Variants in TTC7B observed in about 807,000 individuals in gnomAD.
The protein encoded by TTC7B is tetratricopeptide repeat protein 7B.
Under a neutral mutation model 106.8 loss-of-function variants are expected in TTC7B, and 28 were observed. The observed-to-expected ratio is 0.26, with a 90% confidence interval of 0.19 to 0.36. TTC7B has a LOEUF of 0.36. Among genes scored for constraint, TTC7B ranks in the 10% least tolerant of loss-of-function variants. TTC7B has a pLI of 1.00. For synonymous variants in TTC7B, 405 were observed against 430.6 expected, an observed-to-expected ratio of 0.94 and a Z score of 0.74; for missense variants, 862 against 1,076.4, an observed-to-expected ratio of 0.80 and a Z score of 2.79.
At chr14:90,803,568 G>A in intron 1 of TTC7B, among the ~76,000 whole-genome samples, 1 of 152,170 alleles carries the variant, frequency 6.6e-6, no homozygotes, top group South Asian at 2.1e-4. Flanking sequence ...AGAGGGCCTG[G>A]CTAGTTGGAA....
Position 90,536,900 on chromosome 14 carries a change from G to T in TTC7B, c.*4468C>A, listed in dbSNP as rs1391573312. The T allele has an allele frequency of 6.6e-6, 1 of 152,426 alleles. No homozygotes were observed. Among genetic ancestry groups the T allele is most frequent in the Admixed American group, 6.5e-5 (1 of 15,292 alleles). The allele number at this position is 152,426 out of a possible 1,614,324, so 9.4% of individuals were successfully genotyped here. On this transcript the variant is annotated 3_prime_UTR_variant, in exon 20 of 20. Coordinates refer to ENST00000328459, the MANE Select transcript of TTC7B (RefSeq NM_001010854.2). ...CTCTCGAGGTGGGGCAATGGCCCTGGACTATCCAGGGGGCCCAGAGCAACC... is the reference window on the plus strand; with the variant it reads ...CTCTCGAGGTGGGGCAATGGCCCTGTACTATCCAGGGGGCCCAGAGCAACC...
At chr14:90,747,261 G>C (rs550699074) in intron 3 of TTC7B, among the ~76,000 whole-genome samples, 1 of 152,172 alleles carries the variant, frequency 6.6e-6, no homozygotes, top group Non-Finnish European at 1.5e-5. Flanking sequence ...GTCACACTCC[G>C]TTGCAGGGAG....
chr14:90,688,812 A>G (rs1887352692), intron 7 of TTC7B, among the ~76,000 whole-genome samples: 1 of 152,006 alleles, frequency 6.6e-6, no homozygotes, highest in Admixed American at 6.5e-5. Flanking sequence ...AAAATAAAAA[A>G]TAAAAAAAAT....
chr14:90,710,841 T>C (rs541864711), intron 5 of TTC7B, among the ~76,000 whole-genome samples: 1 of 152,232 alleles, frequency 6.6e-6, no homozygotes, highest in Non-Finnish European at 1.5e-5. Flanking sequence ...ATAACTTTTA[T>C]ATGTGCTGGG....
At chr14:90,793,910 G>A (rs1247719321) in intron 1 of TTC7B, among the ~76,000 whole-genome samples, 2 of 149,382 alleles carry the variant, frequency 1.3e-5, no homozygotes, top group Admixed American at 1.3e-4. Flanking sequence ...GCCCGGCCTT[G>A]TTTGTTTTCT....
rs147549169 is a variant in TTC7B at position 90,565,154 on chromosome 14, G to T, written c.2310+12952C>A. 5.8e-4 allele frequency among the ~76,000 whole-genome samples: 88 copies of T among 152,282 alleles called. 2 individuals are homozygous for T. The East Asian group carries it at 0.013, about 22-fold the overall frequency. On this transcript the variant is annotated intron_variant, in intron 19 of 19. Coordinates refer to ENST00000328459, the MANE Select transcript of TTC7B (RefSeq NM_001010854.2). ...GAGCTGGGAACTTGCTCTGGATTAG[G>T]CTTTGGCTTAAGGGAATATTGTGGC... is the stretch of plus-strand genomic sequence containing the variant.
rs1891383828 is a variant in TTC7B, at chr14:90,786,235, T to C, written c.215A>G (p.Lys72Arg). The change falls in exon 2 of 20, where the codon AAG (lysine) becomes AGG (arginine). Residue 72 changes from lysine (K) to arginine (R), a missense_variant. Lys to Arg is a conservative substitution (Grantham distance 26, BLOSUM62 2). Transcript: ENST00000328459. Reference protein sequence around the residue: ...LRQGASPRGPKPQLTEVRKHL... With the variant: ...LRQGASPRGPRPQLTEVRKHL... ...CTTGCGGACCTCAGTCAGCTGGGGCTTGGGGCCTCGGGGACTGGCCCCCTG... is the reference window on the plus strand; with the variant it reads ...CTTGCGGACCTCAGTCAGCTGGGGCCTGGGGCCTCGGGGACTGGCCCCCTG... 7 of 1,608,848 alleles carry C rather than the reference T, an allele frequency of 4.4e-6. No individual in the cohort carries two copies. The highest frequency in any genetic ancestry group is 4.2e-6 in the Non-Finnish European group (5 of 1,177,738).
intron 17 of TTC7B, among the ~76,000 whole-genome samples, chr14:90,609,916 AT>A (rs1361034006): frequency 1.4e-4 from 22 of 152,234 alleles, no homozygotes; most frequent in Non-Finnish European, 3.2e-4. Context: ...CAAGTGGAAA[AT>A]TCCACACCTG....
rs1416857697 is a variant in TTC7B, at chr14:90,526,959, G to A, written c.*14409C>T. Reference sequence around the variant, plus strand: ...AGGACCCCGTACCACCTAATATTTAGCTATGTCTTCATGGGCTTCTCTGGT... The same window carrying A: ...AGGACCCCGTACCACCTAATATTTAACTATGTCTTCATGGGCTTCTCTGGT... On this transcript the variant is annotated 3_prime_UTR_variant, in exon 20 of 20. Transcript: ENST00000328459. 6.6e-6 allele frequency: 1 copy of A among 152,108 alleles called. No homozygotes were observed. The highest frequency in any genetic ancestry group is 1.5e-5 in the Non-Finnish European group (1 of 68,028). 9.4% of individuals were successfully genotyped at this position (152,108 alleles called of 1,614,324 possible). A position where few individuals can be genotyped will look rare whatever the true frequency, so the allele number is the denominator to read the frequency against.
rs2296395 is a variant in TTC7B at position 90,593,848 on chromosome 14, C to G, written c.1967-222G>C. 2.5e-4 allele frequency: 104 copies of G among 412,608 alleles called. 1 individual carries two copies. The East Asian group carries it at 3.9e-3, about 15-fold the overall frequency. The allele number at this position is 412,608 out of a possible 1,614,324, so 25.6% of individuals were successfully genotyped here. The stretch of plus-strand genomic sequence containing the variant: ...TTGTCAACAAACAGAGCACATGCCC[C>G]CTCCAGGAGCTCAGCCTAGCGGTGT... On this transcript the variant is annotated intron_variant, in intron 17 of 19. Coordinates refer to ENST00000328459, the MANE Select transcript of TTC7B (RefSeq NM_001010854.2).
intron 3 of TTC7B, among the ~76,000 whole-genome samples, chr14:90,753,859 C>A (rs987774895): frequency 6.6e-6 from 1 of 152,210 alleles, no homozygotes. Context: ...ATTAGACATT[C>A]CCCTGCTAGA....
intron 3 of TTC7B, among the ~76,000 whole-genome samples, chr14:90,753,731 C>T (rs1334661912): frequency 6.6e-6 from 1 of 152,208 alleles, no homozygotes; most frequent in Non-Finnish European, 1.5e-5. Flanking sequence ...CTTCTGAGTG[C>T]TTTCCTGAAT....
intron 15 of TTC7B, among the ~76,000 whole-genome samples, chr14:90,626,198 C>T (rs1054337126): frequency 1.3e-5 from 2 of 152,336 alleles, no homozygotes; most frequent in East Asian, 1.9e-4. Context: ...TTCTCACAGT[C>T]CCTGCACTTA....
At chr14:90,604,214 C>T (rs1453061176) in intron 17 of TTC7B, among the ~76,000 whole-genome samples, 1 of 152,118 alleles carries the variant, frequency 6.6e-6, no homozygotes, top group Non-Finnish European at 1.5e-5. Flanking sequence ...GGGAAGATCC[C>T]ATTTTCAGAC....
chr14:90,706,749 T>C (rs530629908), intron 5 of TTC7B, among the ~76,000 whole-genome samples: 2 of 152,328 alleles, frequency 1.3e-5, no homozygotes, highest in Non-Finnish European at 2.9e-5. Context: ...TCTTATACAT[T>C]TCCTGCCCCA....
intron 3 of TTC7B, among the ~76,000 whole-genome samples, chr14:90,748,766 G>A (rs1338571577): frequency 6.6e-6 from 1 of 152,064 alleles, no homozygotes; most frequent in African/African-American, 2.4e-5. Flanking sequence ...CTTACCCTAT[G>A]TGGTTATTAT....
chr14:90,737,157 T>G (rs957925033), intron 4 of TTC7B, among the ~76,000 whole-genome samples: 1 of 152,116 alleles, frequency 6.6e-6, no homozygotes, highest in Non-Finnish European at 1.5e-5. Flanking sequence ...TATGACATAG[T>G]TTATTCAAAC....
chr14:90,681,726 C>T (rs1234941367), intron 7 of TTC7B, among the ~76,000 whole-genome samples: 5 of 152,146 alleles, frequency 3.3e-5, no homozygotes, highest in African/African-American at 1.2e-4. Flanking sequence ...GAGCAAGATT[C>T]GGGGATGTGC....
chr14:90,740,382 C>T lies in TTC7B; in HGVS notation c.576+4410G>A, dbSNP rs146801606. On this transcript the variant is annotated intron_variant, in intron 4 of 19. Transcript: ENST00000328459. ...ACGACCAGGAGTGAACAGAGAAGTC[C>T]AGACACGGGGACACCAGGCAAAACG... Among the ~76,000 whole-genome samples the T allele has an allele frequency of 1.9e-3, 295 of 152,074 alleles. 1 individual carries two copies. The highest frequency in any genetic ancestry group is 0.017 in the Middle Eastern group (5 of 294).
Sources: allele counts gnomAD v4.1 joint callset (sites outside exome capture counted in the v4.1 genomes callset), GRCh38; gene constraint gnomAD v4.1.1; transcripts MANE v1.5; gene names NCBI Gene and HGNC (gene_info 2026-07-23, HGNC 2026-07-21).